Variants in MLLT3 observed in about 807,000 individuals in gnomAD.
The protein encoded by MLLT3 is MLLT3 super elongation complex subunit.
MLLT3 carries 4 observed loss-of-function variants against 53.2 expected under a neutral mutation model. The observed-to-expected ratio is 0.08, with a 90% confidence interval of 0.04 to 0.17. The LOEUF is 0.17. MLLT3 is among the 10% of genes least tolerant of loss of function. MLLT3 has a pLI of 1.00. For synonymous variants in MLLT3, 283 were observed against 230.6 expected (o/e 1.23, Z -2.06); for missense variants, 569 against 684.0 (o/e 0.83, Z 1.87).
In MLLT3 at chr9:20,343,214, A is replaced by AAAAAAAAAAAAAAAAAAAAAAATTT. The variant is rs56934102; in HGVS notation, c.*3228_*3229insAAATTTTTTTTTTTTTTTTTTTTTT. On this transcript the variant is annotated 3_prime_UTR_variant, in exon 11 of 11. Coordinates refer to ENST00000380338, the MANE Select transcript of MLLT3 (RefSeq NM_004529.4). ...AAAAAAAAAAAAAAAAAAAAAAAAA[A>AAAAAAAAAAAAAAAAAAAAAAATTT]TTTTGAAGAAACTTTTTAGTGGAAG... The AAAAAAAAAAAAAAAAAAAAAAATTT allele has an allele frequency of 6.1e-5, 7 of 115,074 alleles. No homozygotes were observed. Among genetic ancestry groups the AAAAAAAAAAAAAAAAAAAAAAATTT allele is most frequent in the African/African-American group, 4.0e-4 (6 of 14,956 alleles). 7.1% of individuals were successfully genotyped at this position (115,074 alleles called of 1,614,324 possible).
chr9:20,423,329 C>T (rs1823062148), intron 4 of MLLT3, among the ~76,000 whole-genome samples: 1 of 152,168 alleles, frequency 6.6e-6, no homozygotes, highest in South Asian at 2.1e-4. Flanking sequence ...GGCTCAATGA[C>T]TGTAAAAGAA....
chr9:20,593,559 G>T (rs1274533697), intron 2 of MLLT3, among the ~76,000 whole-genome samples: 1 of 152,174 alleles, frequency 6.6e-6, no homozygotes, highest in East Asian at 1.9e-4. Context: ...GGACACTGGA[G>T]AGAGAAAAAT....
At chr9:20,425,671 A>G (rs1270142047) in intron 4 of MLLT3, among the ~76,000 whole-genome samples, 2 of 152,090 alleles carry the variant, frequency 1.3e-5, no homozygotes, top group African/African-American at 4.8e-5. Context: ...CTACAGACGT[A>G]GCTTCTTACT....
At chr9:20,360,912 C>T (rs566287900) in intron 7 of MLLT3, 71 bp from the exon 8 acceptor site, 24 of 1,338,604 alleles carry the variant, frequency 1.8e-5, no homozygotes, top group African/African-American at 1.2e-4. Context: ...TAGAAATAGG[C>T]GTGGAAAGCA....
chr9:20,366,061 T>C (rs1450457318), intron 5 of MLLT3, among the ~76,000 whole-genome samples: 2 of 152,114 alleles, frequency 1.3e-5, no homozygotes, highest in African/African-American at 4.8e-5. Flanking sequence ...AAATACTTCT[T>C]TATTATACTT....
At chr9:20,395,946 C>T (rs1167404211) in intron 5 of MLLT3, among the ~76,000 whole-genome samples, 3 of 152,144 alleles carry the variant, frequency 2.0e-5, no homozygotes, top group African/African-American at 7.2e-5. Context: ...TTTCTGAATG[C>T]AGGATCCTGT....
At chr9:20,533,297 CA>C in intron 2 of MLLT3, 5 of 325,844 alleles carry the variant, frequency 1.5e-5, no homozygotes, top group Non-Finnish European at 3.1e-5. Context: ...TTGCCAAGCT[CA>C]AAAAGGCAAA....
rs191717995 is a variant in MLLT3, at chr9:20,367,655, A to T, written c.1126-1911T>A. Among the ~76,000 whole-genome samples, 68 of 152,264 alleles carry T rather than the reference A, an allele frequency of 4.5e-4. 1 individual carries two copies. The Middle Eastern group carries it at 0.01, about 23-fold the overall frequency. On this transcript the variant is annotated intron_variant, in intron 5 of 10. Transcript: ENST00000380338. The stretch of plus-strand genomic sequence containing the variant: ...ACAATAACTTAGTCATGTTCTCATA[A>T]CCAAATTTATTTCCATCCTATTTTT...
At chr9:20,376,163 G>A (rs1012018819) in intron 5 of MLLT3, among the ~76,000 whole-genome samples, 1 of 152,084 alleles carries the variant, frequency 6.6e-6, no homozygotes, top group East Asian at 1.9e-4. Context: ...TGGAACCGGG[G>A]AAAGGACACT....
intron 2 of MLLT3, among the ~76,000 whole-genome samples, chr9:20,525,401 C>CCTACCA (rs1346778148): frequency 6.6e-6 from 1 of 152,162 alleles, no homozygotes; most frequent in African/African-American, 2.4e-5. Flanking sequence ...TAGGCTGACG[C>CCTACCA]ATGAGAATTG....
intron 2 of MLLT3, among the ~76,000 whole-genome samples, chr9:20,554,841 A>C (rs999348665): frequency 3.9e-5 from 6 of 152,182 alleles, no homozygotes; most frequent in African/African-American, 1.4e-4. Context: ...TTATTTTGTT[A>C]ACCAATAAAA....
chr9:20,344,359 A>G lies in MLLT3; in HGVS notation c.*2084T>C, dbSNP rs746144217. 5 of 204,304 alleles carry G rather than the reference A, an allele frequency of 2.4e-5. No homozygotes were observed. The highest frequency in any genetic ancestry group is 6.0e-5 in the Admixed American group (1 of 16,804). The allele number at this position is 204,304 out of a possible 1,614,324, so 12.7% of individuals were successfully genotyped here. A position where few individuals can be genotyped will look rare whatever the true frequency, so the allele number is the denominator to read the frequency against. On this transcript the variant is annotated 3_prime_UTR_variant, in exon 11 of 11. Coordinates refer to ENST00000380338, the MANE Select transcript of MLLT3 (RefSeq NM_004529.4). ...CACATAAACTTCTGGCTTGATCAGA[A>G]TATGTGTTAGCAGTTAGAAATTTTA...
intron 5 of MLLT3, among the ~76,000 whole-genome samples, chr9:20,403,666 C>T (rs958821143): frequency 2.6e-5 from 4 of 152,132 alleles, no homozygotes; most frequent in African/African-American, 7.2e-5. Context: ...AAATAACCCA[C>T]CACAAGATCA....
At chr9:20,611,653 A>G (rs556310787) in intron 2 of MLLT3, among the ~76,000 whole-genome samples, 2 of 152,256 alleles carry the variant, frequency 1.3e-5, no homozygotes, top group African/African-American at 4.8e-5. Context: ...ATTTTCTTTA[A>G]TAAAAAAAAT....
At chr9:20,458,845 T>C (rs79139050) in intron 2 of MLLT3, among the ~76,000 whole-genome samples, 4,037 of 152,264 alleles carry the variant, frequency 0.027, 183 homozygotes, top group African/African-American at 0.091. Flanking sequence ...GCCTGGCGCA[T>C]AAGTTCTCAG....
rs757774522 is a variant in MLLT3 at position 20,414,434 on chromosome 9, A to C, written c.421-9T>G. ...ATACTCCTATTAGGGTCCTGCAAAA[A>C]GGGGAGAAGAAAATGAAACTCCCAA... On this transcript the variant is annotated splice_polypyrimidine_tract_variant and intron_variant, in intron 4 of 10. Coordinates refer to ENST00000380338, the MANE Select transcript of MLLT3 (RefSeq NM_004529.4). 3 of 1,603,880 alleles carry C rather than the reference A, an allele frequency of 1.9e-6. No individual in the cohort carries two copies. Among genetic ancestry groups the C allele is most frequent in the Non-Finnish European group, 2.5e-6 (3 of 1,179,286 alleles).
At chr9:20,451,174 C>A (rs1234267691) in intron 3 of MLLT3, among the ~76,000 whole-genome samples, 1 of 152,096 alleles carries the variant, frequency 6.6e-6, no homozygotes, top group African/African-American at 2.4e-5. Context: ...TTAAATCATG[C>A]CCCTGCCAAT....
chr9:20,527,015 T>C (rs928685930), intron 2 of MLLT3, among the ~76,000 whole-genome samples: 1 of 152,226 alleles, frequency 6.6e-6, no homozygotes, highest in Non-Finnish European at 1.5e-5. Context: ...CAAAATCCTT[T>C]ATATATTCTG....
chr9:20,595,135 C>T (rs1173930318), intron 2 of MLLT3, among the ~76,000 whole-genome samples: 1 of 152,106 alleles, frequency 6.6e-6, no homozygotes, highest in East Asian at 1.9e-4. Flanking sequence ...TTCGGGAGGA[C>T]TATTTGAGCC....
Sources: allele counts gnomAD v4.1 joint callset (sites outside exome capture counted in the v4.1 genomes callset), GRCh38; gene constraint gnomAD v4.1.1; transcripts MANE v1.5; gene names NCBI Gene and HGNC (gene_info 2026-07-23, HGNC 2026-07-21).